CEP350: variants seen among roughly 807,000 people sequenced by gnomAD.
CEP350 encodes the protein centrosomal protein 350.
CEP350 carries 126 observed loss-of-function variants against 331.8 expected under a neutral mutation model. The observed-to-expected ratio is 0.38, with a 90% CI of 0.33 to 0.44. The LOEUF (loss-of-function observed/expected upper bound fraction) is 0.44, where lower values mean the gene tolerates loss of function less well. Ranked by LOEUF, CEP350 falls within the 20% of genes least tolerant of loss-of-function variation. The pLI is 1.00. For missense variants in CEP350, 3,406 were observed against 3,634.6 expected (o/e 0.94, Z 1.62); for synonymous variants, 1,200 against 1,259.5 (o/e 0.95, Z 1.00).
At chr1:180,008,920 C>A (rs1459497047) in intron 8 of CEP350, among the ~76,000 whole-genome samples, 1 of 152,116 alleles carries the variant, frequency 6.6e-6, no homozygotes, top group Non-Finnish European at 1.5e-5. Flanking sequence ...CCATTGTTAA[C>A]TTTAGATGTC....
intron 21 of CEP350, among the ~76,000 whole-genome samples, chr1:180,044,483 G>T (rs894321141): frequency 6.6e-6 from 1 of 151,970 alleles, no homozygotes; most frequent in Non-Finnish European, 1.5e-5. Context: ...TCATGGAGAT[G>T]TTACTATGCA....
At chr1:180,089,946 C>T (rs73036425) in intron 32 of CEP350, among the ~76,000 whole-genome samples, 2,564 of 152,156 alleles carry the variant, frequency 0.017, 74 homozygotes, top group African/African-American at 0.058. Flanking sequence ...AAAGGTAGGA[C>T]GTGAAAGCCA....
At chr1:180,105,569 A>G (rs557366516) in intron 37 of CEP350, among the ~76,000 whole-genome samples, 25 of 152,340 alleles carry the variant, frequency 1.6e-4, no homozygotes, top group African/African-American at 6.0e-4. Context: ...TATTTCCTCT[A>G]TACCAATCTG....
chr1:180,005,061 C>T (rs1307299866), intron 7 of CEP350, among the ~76,000 whole-genome samples: 1 of 150,534 alleles, frequency 6.6e-6, no homozygotes, highest in African/African-American at 2.5e-5. Context: ...TCCCTCTACT[C>T]ACTCTATTTT....
chr1:180,013,572 A>C (rs1256458827), intron 9 of CEP350, among the ~76,000 whole-genome samples: 5 of 152,168 alleles, frequency 3.3e-5, no homozygotes, highest in Non-Finnish European at 7.4e-5. Flanking sequence ...ATTCATAACA[A>C]CCATAAGAGC....
chr1:180,012,238 A>G (rs1654706486), intron 9 of CEP350, among the ~76,000 whole-genome samples, 163 bp downstream of exon 9: 1 of 152,192 alleles, frequency 6.6e-6, no homozygotes, highest in Admixed American at 6.5e-5. Context: ...GTTATGGATA[A>G]TATCTGCATA....
intron 31 of CEP350, among the ~76,000 whole-genome samples, chr1:180,086,616 A>C (rs900091245): frequency 3.9e-5 from 6 of 152,118 alleles, no homozygotes; most frequent in African/African-American, 1.4e-4. Flanking sequence ...TCACAGATTT[A>C]ATAAATGGAC....
chr1:179,957,865 T>C lies in CEP350; in HGVS notation c.-14+2723T>C, dbSNP rs532720468. On this transcript the variant is annotated intron_variant, in intron 1 of 37. Coordinates refer to ENST00000367607, the MANE Select transcript of CEP350 (RefSeq NM_014810.5). ...TAAACTTTAAGACCCTAACCTGTTA[T>C]ACTAGTACTATAATTATAGCCTTGT... Among the ~76,000 whole-genome samples the C allele has an allele frequency of 1.4e-4, 21 of 152,362 alleles. No individual in the cohort carries two copies. The South Asian group carries it at 3.5e-3, about 26-fold the overall frequency.
chr1:179,964,992 A>G (rs530542250), intron 1 of CEP350, among the ~76,000 whole-genome samples: 4 of 151,718 alleles, frequency 2.6e-5, no homozygotes, highest in Admixed American at 6.6e-5. Context: ...TTCAACTTTA[A>G]GTTGTCAATT....
At chr1:179,961,891 G>T (rs113319337) in intron 1 of CEP350, among the ~76,000 whole-genome samples, 5,265 of 152,144 alleles carry the variant, frequency 0.035, 168 homozygotes, top group South Asian at 0.07. Flanking sequence ...TGTCACCCAG[G>T]CTGGAGTGCA....
chr1:179,990,001 C>T (rs1385446880), intron 3 of CEP350, among the ~76,000 whole-genome samples: 1 of 151,582 alleles, frequency 6.6e-6, no homozygotes, highest in Non-Finnish European at 1.5e-5. Context: ...CCAGCCTGGC[C>T]AACATGTGGA....
intron 1 of CEP350, among the ~76,000 whole-genome samples, chr1:179,985,125 A>T (rs1463736512): frequency 2.0e-5 from 3 of 152,060 alleles, no homozygotes; most frequent in Non-Finnish European, 4.4e-5. Context: ...CATTTTGCAA[A>T]ACTGAAACCC....
chr1:179,965,093 G>A (rs1216851868), intron 1 of CEP350, among the ~76,000 whole-genome samples: 1 of 151,814 alleles, frequency 6.6e-6, no homozygotes, highest in Non-Finnish European at 1.5e-5. Flanking sequence ...GTTTTGGTAT[G>A]TTTGTTTCTC....
chr1:180,008,091 A>C (rs1218379254), intron 8 of CEP350, among the ~76,000 whole-genome samples: 2 of 152,154 alleles, frequency 1.3e-5, no homozygotes, highest in African/African-American at 4.8e-5. Flanking sequence ...TTTCTATACA[A>C]GGGGATTGTT....
At chr1:180,097,320 T>C (rs986336652) in intron 36 of CEP350, among the ~76,000 whole-genome samples, 2 of 152,234 alleles carry the variant, frequency 1.3e-5, no homozygotes, top group Non-Finnish European at 2.9e-5. Context: ...ATATTTACAG[T>C]CTGATTTTTT....
chr1:179,986,084 CATAAT>C (rs1652626308), intron 1 of CEP350, 80 bp from the exon 2 acceptor site: 1 of 1,078,408 alleles, frequency 9.3e-7, no homozygotes, highest in Non-Finnish European at 1.4e-6. Context: ...GTGAAGTAGT[CATAAT>C]ATAATTTTTA....
chr1:179,972,992 C>T (rs1056387811), intron 1 of CEP350, among the ~76,000 whole-genome samples: 3 of 151,446 alleles, frequency 2.0e-5, no homozygotes, highest in Non-Finnish European at 4.4e-5. Flanking sequence ...CTCAGCCTCC[C>T]GAGTAGCTGG....
At chr1:180,051,562 T>G (rs894179379) in intron 22 of CEP350, among the ~76,000 whole-genome samples, 1 of 152,210 alleles carries the variant, frequency 6.6e-6, no homozygotes, top group Non-Finnish European at 1.5e-5. Flanking sequence ...TATGTATTTG[T>G]CAAAACCTTG....
chr1:179,959,416 C>T (rs1650420683), intron 1 of CEP350, among the ~76,000 whole-genome samples: 1 of 151,968 alleles, frequency 6.6e-6, no homozygotes, highest in Non-Finnish European at 1.5e-5. Context: ...ACTGCCACTG[C>T]ACTCCAGCCT....
Sources: allele counts gnomAD v4.1 joint callset (sites outside exome capture counted in the v4.1 genomes callset), GRCh38; gene constraint gnomAD v4.1.1; transcripts MANE v1.5; gene names NCBI Gene and HGNC (gene_info 2026-07-23, HGNC 2026-07-21).